The following RANBP2 variants were observed in gnomAD, a reference collection of about 807,000 sequenced individuals.
The protein encoded by RANBP2 is RAN binding protein 2.
Under a neutral mutation model 303.6 loss-of-function variants are expected in RANBP2, and 57 were observed. The ratio of observed to expected loss-of-function variants is 0.19; its 90% confidence interval spans 0.15 to 0.23. RANBP2 has a LOEUF of 0.23. Ranked by LOEUF, RANBP2 falls within the 10% of genes least tolerant of loss-of-function variation. The probability of loss-of-function intolerance (pLI) is 1.00; values close to 1 mark genes in which losing one functional copy is unlikely to be tolerated. For missense variants in RANBP2, 3,138 were observed against 3,780.8 expected (o/e 0.83, Z 4.46); for synonymous variants, 1,167 against 1,301.5 (o/e 0.90, Z 2.23).
the RANBP2 span, among the ~76,000 whole-genome samples, chr2:109,485,992 C>G: frequency 6.6e-6 from 1 of 152,248 alleles, no homozygotes. Context: ...CAGCTCAGGT[C>G]CACAGAATCA....
At chr2:108,976,314 T>G in the RANBP2 span, among the ~76,000 whole-genome samples, 2 of 152,186 alleles carry the variant, frequency 1.3e-5, no homozygotes, top group East Asian at 3.8e-4. Context: ...GTTTTTCTCG[T>G]GACAGACTGG....
the RANBP2 span, among the ~76,000 whole-genome samples, chr2:108,796,666 A>G: frequency 2.0e-5 from 3 of 152,334 alleles, no homozygotes; most frequent in African/African-American, 7.2e-5. Context: ...CTTATCATTG[A>G]CAGCAGCATA....
chr2:109,671,778 A>G, the RANBP2 span, among the ~76,000 whole-genome samples: 36 of 151,134 alleles, frequency 2.4e-4, no homozygotes, highest in Admixed American at 5.9e-4. Flanking sequence ...ACTCTTAATG[A>G]AATTTAAGGG....
the RANBP2 span, among the ~76,000 whole-genome samples, chr2:109,376,959 C>T: frequency 1.3e-5 from 2 of 152,228 alleles, no homozygotes; most frequent in African/African-American, 2.4e-5. Context: ...AGATGGGGTG[C>T]GGAGCACCTG....
At chr2:109,403,862 G>T in the RANBP2 span, among the ~76,000 whole-genome samples, 1 of 152,238 alleles carries the variant, frequency 6.6e-6, no homozygotes, top group Admixed American at 6.5e-5. Flanking sequence ...CCTGTCTGTG[G>T]AATGGAGCCA....
At chr2:109,195,516 G>A in the RANBP2 span, among the ~76,000 whole-genome samples, 3 of 152,198 alleles carry the variant, frequency 2.0e-5, no homozygotes, top group African/African-American at 4.8e-5. Flanking sequence ...GGAAACCTAC[G>A]TTCTTTAGAG....
At chr2:109,289,992 C>G in the RANBP2 span, among the ~76,000 whole-genome samples, 1 of 152,272 alleles carries the variant, frequency 6.6e-6, no homozygotes, top group Non-Finnish European at 1.5e-5. Context: ...GCAAACAGAC[C>G]ACTGGGGGGA....
the RANBP2 span, among the ~76,000 whole-genome samples, chr2:109,185,067 G>T: frequency 6.6e-6 from 1 of 152,150 alleles, no homozygotes; most frequent in Non-Finnish European, 1.5e-5. Context: ...GATTCCCTTT[G>T]TTGGGGCTGT....
the RANBP2 span, among the ~76,000 whole-genome samples, chr2:109,699,574 ATATT>A: frequency 2.0e-5 from 3 of 152,182 alleles, no homozygotes; most frequent in African/African-American, 7.2e-5. Context: ...AAGAGAAAAT[ATATT>A]TATTATTTAT....
At chr2:109,728,265 T>C in the RANBP2 span, among the ~76,000 whole-genome samples, 85 of 152,210 alleles carry the variant, frequency 5.6e-4, no homozygotes, top group Non-Finnish European at 9.9e-4. Context: ...TTCCCCCAGA[T>C]GACACAGCAA....
At chr2:109,288,663 C>T in the RANBP2 span, among the ~76,000 whole-genome samples, 1 of 152,186 alleles carries the variant, frequency 6.6e-6, no homozygotes, top group African/African-American at 2.4e-5. Context: ...TCTTTTCACT[C>T]AATTACGTTT....
At chr2:109,298,459 G>C in the RANBP2 span, among the ~76,000 whole-genome samples, 1 of 152,192 alleles carries the variant, frequency 6.6e-6, no homozygotes, top group Non-Finnish European at 1.5e-5. Context: ...ACGGCTCAGG[G>C]AAAAACCATT....
the RANBP2 span, among the ~76,000 whole-genome samples, chr2:109,131,250 G>T: frequency 9.3e-5 from 14 of 151,232 alleles, no homozygotes; most frequent in African/African-American, 3.4e-4. Context: ...GCTGCAATGG[G>T]TTTTTTTTTC....
the RANBP2 span, among the ~76,000 whole-genome samples, chr2:109,550,073 G>A: frequency 0.2 from 30,216 of 151,520 alleles, 3,671 homozygotes; most frequent in Non-Finnish European, 0.27. Context: ...GGCGGATAAC[G>A]TGAGGTCAGG....
the RANBP2 span, among the ~76,000 whole-genome samples, chr2:109,701,524 G>A: frequency 6.6e-6 from 1 of 152,300 alleles, no homozygotes; most frequent in Admixed American, 6.5e-5. Flanking sequence ...ATTCCTTTGA[G>A]TCCTTGATCA....
At chr2:109,415,682 C>A in the RANBP2 span, among the ~76,000 whole-genome samples, 1 of 152,110 alleles carries the variant, frequency 6.6e-6, no homozygotes, top group Non-Finnish European at 1.5e-5. Context: ...TCAGGAGGCC[C>A]CACGCAGCCT....
At position 108,730,923 on chromosome 2, in the gene RANBP2, A is replaced by G. The variant is rs1334022508; in HGVS notation, c.252+38A>G. ...ATTCAAATATAGCCTTTGCATAGCC[A>G]AACACATGATGCCCAGAGAAATTTA... On this transcript the variant is annotated intron_variant, in intron 3 of 28. Coordinates refer to ENST00000283195, the MANE Select transcript of RANBP2 (RefSeq NM_006267.5). 10 of 1,610,086 alleles carry G rather than the reference A, an allele frequency of 6.2e-6. No individual in the cohort carries two copies. In the Admixed American group the frequency reaches 6.7e-5, roughly 11 times the overall value.
the RANBP2 span, among the ~76,000 whole-genome samples, chr2:109,732,555 T>C: frequency 7.5e-6 from 1 of 133,036 alleles, no homozygotes; most frequent in African/African-American, 2.8e-5. Flanking sequence ...CTCGGCTTAC[T>C]GCAACCTCCG....
the RANBP2 span, among the ~76,000 whole-genome samples, chr2:109,226,330 G>T: frequency 6.6e-6 from 1 of 152,118 alleles, no homozygotes; most frequent in Non-Finnish European, 1.5e-5. Context: ...CCTGCCAACT[G>T]TTTCAAAGCT....
Sources: allele counts gnomAD v4.1 joint callset (sites outside exome capture counted in the v4.1 genomes callset), GRCh38; gene constraint gnomAD v4.1.1; transcripts MANE v1.5; gene names NCBI Gene and HGNC (gene_info 2026-07-23, HGNC 2026-07-21).